AGAP1: variants seen among roughly 807,000 people sequenced by gnomAD.
AGAP1 encodes arf-GAP with GTPase, ANK repeat and PH domain-containing protein 1.
AGAP1 carries 29 observed loss-of-function variants against 105.3 expected under a neutral mutation model. The ratio of observed to expected loss-of-function variants is 0.28; its 90% confidence interval spans 0.21 to 0.38. AGAP1 has a LOEUF of 0.38. Among genes scored for constraint, AGAP1 ranks in the 10% least tolerant of loss-of-function variants. The pLI is 1.00. For synonymous variants in AGAP1, 509 were observed against 485.9 expected (o/e 1.05, Z -0.63); for missense variants, 998 against 1,165.1 (o/e 0.86, Z 2.09).
At position 236,051,730 on chromosome 2, in the gene AGAP1, A is replaced by G. The variant is rs544137712; in HGVS notation, c.2114+2449A>G. ...CAGGGGAGAGGGGAAGGGTTTGTCT[A>G]TTCATGGGTTCTGTCTGTCCCACCT... is the stretch of plus-strand genomic sequence containing the variant. On this transcript the variant is annotated intron_variant, in intron 16 of 17. Coordinates refer to ENST00000304032, the MANE Select transcript of AGAP1 (RefSeq NM_001037131.3). The surrounding 1 kb of genome is among the most constrained non-coding windows in gnomAD (Gnocchi z 5.9). 1.3e-5 allele frequency among the ~76,000 whole-genome samples: 2 copies of G among 152,272 alleles called. No individual in the cohort carries two copies. Among genetic ancestry groups the G allele is most frequent in the South Asian group, 2.1e-4 (1 of 4,818 alleles).
In AGAP1 at chr2:235,692,878, G is replaced by C. The variant is rs903491452; in HGVS notation, c.164-16301G>C. Among the ~76,000 whole-genome samples, 1 of 152,142 alleles carries C rather than the reference G, an allele frequency of 6.6e-6. No individual in the cohort carries two copies. The highest frequency in any genetic ancestry group is 6.5e-5 in the Admixed American group (1 of 15,276). On this transcript the variant is annotated intron_variant, in intron 1 of 17. Transcript: ENST00000304032. This position sits in a 1 kb window ranked among gnomAD's most constrained non-coding sequence, Gnocchi z 5.8. ...CCTTGATGTGGCACTGCCTGGCTCC[G>C]GAGATAGCGAGGGAGGGAGGGAGGC...
chr2:236,098,620 C>CTTTTTTGTTTTTTTTTTTTTTTTTTTT (rs2059253699), intron 16 of AGAP1, among the ~76,000 whole-genome samples: 1 of 115,256 alleles, frequency 8.7e-6, no homozygotes, highest in African/African-American at 3.9e-5. Context: ...TCTTTTTTTC[C>CTTTTTTGTTTTTTTTTTTTTTTTTTTT]TTTTTTTTTT....
At chr2:235,933,889 G>C (rs376803307) in intron 12 of AGAP1, among the ~76,000 whole-genome samples, 2 of 152,308 alleles carry the variant, frequency 1.3e-5, no homozygotes, top group African/African-American at 4.8e-5. Flanking sequence ...GACAATAATC[G>C]TAATAATAAG....
At chr2:235,616,946 T>C (rs1218760311) in intron 1 of AGAP1, among the ~76,000 whole-genome samples, 1 of 148,028 alleles carries the variant, frequency 6.8e-6, no homozygotes, top group East Asian at 1.9e-4. Flanking sequence ...CAAACGTGCA[T>C]CTTTAAATTT....
chr2:236,049,456 G>A lies in AGAP1; in HGVS notation c.2114+175G>A. ...TTTAAAGTTGGTCTTGAGCAGACGTGGATAATTCACACTCCTTAATTTTTT... is the reference window on the plus strand; with the variant it reads ...TTTAAAGTTGGTCTTGAGCAGACGTAGATAATTCACACTCCTTAATTTTTT... On this transcript the variant is annotated intron_variant, in intron 16 of 17. Transcript: ENST00000304032. The A allele has an allele frequency of 5.2e-6, 3 of 574,044 alleles. No homozygotes were observed. The South Asian group carries it at 7.5e-5, about 14-fold the overall frequency. The allele number at this position is 574,044 out of a possible 1,614,324, so 35.6% of individuals were successfully genotyped here.
rs1053839394 is a variant in AGAP1, at chr2:235,622,897, CTTCACG to C, written c.164-86281_164-86276del. Among the ~76,000 whole-genome samples, 3 of 152,122 alleles carry C rather than the reference CTTCACG, an allele frequency of 2.0e-5. No homozygotes were observed. The highest frequency in any genetic ancestry group is 4.4e-5 in the Non-Finnish European group (3 of 68,032). On this transcript the variant is annotated intron_variant, in intron 1 of 17. Coordinates refer to ENST00000304032, the MANE Select transcript of AGAP1 (RefSeq NM_001037131.3). The surrounding 1 kb of genome is among the most constrained non-coding windows in gnomAD (Gnocchi z 5.0). Reference sequence around the variant, plus strand: ...TAGTCTCTTCTTGGAGTCAGCACTGCTTCACGGTCCTATTGGCATGAGAACCACGTC... The same window carrying C: ...TAGTCTCTTCTTGGAGTCAGCACTGCGTCCTATTGGCATGAGAACCACGTC...
At chr2:235,755,701 A>T (rs531999885) in intron 6 of AGAP1, among the ~76,000 whole-genome samples, 1 of 152,158 alleles carries the variant, frequency 6.6e-6, no homozygotes, top group African/African-American at 2.4e-5. Context: ...TCGGCCTTCC[A>T]AAGTGCTGGG....
intron 16 of AGAP1, among the ~76,000 whole-genome samples, chr2:236,079,463 A>AT (rs2058725503): frequency 6.6e-6 from 1 of 150,594 alleles, no homozygotes; most frequent in Admixed American, 6.6e-5. Context: ...GAGCCCAGGA[A>AT]TTTAAGGCTG....
chr2:235,649,572 A>C (rs972781989), intron 1 of AGAP1, among the ~76,000 whole-genome samples: 10 of 152,158 alleles, frequency 6.6e-5, no homozygotes, highest in African/African-American at 2.4e-4. Flanking sequence ...GGGTCTTGCT[A>C]TGTTGCCCAG....
At chr2:235,541,178 G>A (rs1303748028) in intron 1 of AGAP1, among the ~76,000 whole-genome samples, 1 of 151,934 alleles carries the variant, frequency 6.6e-6, no homozygotes, top group African/African-American at 2.4e-5. Flanking sequence ...ACATAGATTT[G>A]CCTCACACAA....
At chr2:235,816,914 C>T (rs1190922697) in intron 9 of AGAP1, among the ~76,000 whole-genome samples, 1 of 151,982 alleles carries the variant, frequency 6.6e-6, no homozygotes, top group Non-Finnish European at 1.5e-5. Context: ...CTACCAAGAC[C>T]AAGACTCCTA....
In AGAP1 at chr2:235,866,547, G is replaced by T. The variant is rs907667049; in HGVS notation, c.1051-16798G>T. The stretch of plus-strand genomic sequence containing the variant: ...CCACCTCCCATGCTGGGTGCCATCA[G>T]TGTGCTGGAGGGGGAAGGGGGAGAC... On this transcript the variant is annotated intron_variant, in intron 9 of 17. Coordinates refer to ENST00000304032, the MANE Select transcript of AGAP1 (RefSeq NM_001037131.3). This position sits in a 1 kb window ranked among gnomAD's most constrained non-coding sequence, Gnocchi z 6.1. Among the ~76,000 whole-genome samples the T allele has an allele frequency of 6.6e-6, 1 of 152,236 alleles. No individual in the cohort carries two copies. Among genetic ancestry groups the T allele is most frequent in the Non-Finnish European group, 1.5e-5 (1 of 68,032 alleles).
intron 6 of AGAP1, among the ~76,000 whole-genome samples, chr2:235,765,564 C>T (rs1308273926): frequency 6.6e-6 from 1 of 152,162 alleles, no homozygotes; most frequent in Non-Finnish European, 1.5e-5. Context: ...CACAGCCAAC[C>T]GGACTGTACC....
rs1242198264 is a variant in AGAP1 at position 236,127,180 on chromosome 2, G to A, written c.*3058G>A. On this transcript the variant is annotated 3_prime_UTR_variant, in exon 18 of 18. Transcript: ENST00000304032. The surrounding 1 kb of genome is among the most constrained non-coding windows in gnomAD (Gnocchi z 6.6). ...GACTGAACTTGGCGGGGAGTGGAGG[G>A]GTGTGGTGCAGACCTGGCTGCAGCA... 2 of 152,232 alleles carry A rather than the reference G, an allele frequency of 1.3e-5. No individual in the cohort carries two copies. Among genetic ancestry groups the A allele is most frequent in the African/African-American group, 4.8e-5 (2 of 41,458 alleles). The allele number at this position is 152,232 out of a possible 1,614,324, so 9.4% of individuals were successfully genotyped here. A position where few individuals can be genotyped will look rare whatever the true frequency, so the allele number is the denominator to read the frequency against.
chr2:235,579,185 C>G (rs1422980783), intron 1 of AGAP1, among the ~76,000 whole-genome samples: 1 of 152,168 alleles, frequency 6.6e-6, no homozygotes, highest in African/African-American at 2.4e-5. Context: ...CAGCCCCTGC[C>G]CACTGAGGGC....
At chr2:235,525,955 A>AGAGG (rs1942819702) in intron 1 of AGAP1, among the ~76,000 whole-genome samples, 1 of 89,172 alleles carries the variant, frequency 1.1e-5, no homozygotes. Context: ...TAGAGGACTG[A>AGAGG]CACATAATGT....
intron 16 of AGAP1, among the ~76,000 whole-genome samples, chr2:236,084,230 G>GC (rs1485650525): frequency 6.6e-6 from 1 of 150,970 alleles, no homozygotes; most frequent in African/African-American, 2.4e-5. Flanking sequence ...GGGCGGGGGG[G>GC]GGTCTCTGCG....
chr2:236,122,564 G>A (rs2059924643), intron 17 of AGAP1, among the ~76,000 whole-genome samples: 1 of 151,850 alleles, frequency 6.6e-6, no homozygotes, highest in Non-Finnish European at 1.5e-5. Context: ...TAAAAACGTT[G>A]TGTACTTTAA....
intron 1 of AGAP1, among the ~76,000 whole-genome samples, chr2:235,672,182 T>C (rs1330233806): frequency 6.6e-6 from 1 of 152,184 alleles, no homozygotes; most frequent in Admixed American, 6.5e-5. Flanking sequence ...AGGGTATTCA[T>C]CCCAAGTGGA....
Sources: gnomAD v4.1 joint callset for allele counts (sites outside exome capture counted in the v4.1 genomes callset) on GRCh38, gnomAD v4.1.1 for gene constraint, Gnocchi (gnomAD v3.1) non-coding constraint, MANE v1.5 for transcripts, NCBI Gene and HGNC (gene_info 2026-07-23, HGNC 2026-07-21) for gene names.